Variants in FRAS1 observed in about 807,000 individuals in gnomAD.
The protein encoded by FRAS1 is Fraser extracellular matrix complex subunit 1.
Under a neutral mutation model 435.2 loss-of-function variants are expected in FRAS1, and 290 were observed. The ratio of observed to expected loss-of-function variants is 0.67; its 90% CI spans 0.61 to 0.73. The LOEUF (loss-of-function observed/expected upper bound fraction) is 0.73, where lower values mean the gene tolerates loss of function less well. Ranked by LOEUF, FRAS1 falls within the 30% of genes least tolerant of loss-of-function variation. The pLI, the probability that FRAS1 is intolerant of heterozygous loss-of-function variation, is 0.00. For synonymous variants in FRAS1, 1,800 were observed against 1,851.0 expected (o/e 0.97, Z 0.71); for missense variants, 4,860 against 5,001.5 (o/e 0.97, Z 0.85).
In FRAS1 at chr4:78,266,898, G is replaced by C. The variant is rs1267610029; in HGVS notation, c.752G>C (p.Cys251Ser). 6.2e-7 allele frequency: 1 copy of C among 1,607,984 alleles called. No individual in the cohort carries two copies. Among genetic ancestry groups the C allele is most frequent in the African/African-American group, 1.3e-5 (1 of 74,864 alleles). ...ATATGTGACCGGGGTGAGGTCAGGT[G>C]TCACAAGCAGGCCTGCCTGCCCCTG... ...TCICDRGEVR[C>S]HKQACLPLRC... Residue 251 changes from cysteine (C) to serine (S), a missense_variant, in exon 8 of 74, where the codon TGT becomes TCT. Transcript: ENST00000512123.
At chr4:78,087,097 C>G (rs1420803957) in intron 2 of FRAS1, among the ~76,000 whole-genome samples, 6 of 152,180 alleles carry the variant, frequency 3.9e-5, no homozygotes, top group African/African-American at 1.2e-4. Context: ...GGCTTCATCC[C>G]TGGGATGCAA....
intron 20 of FRAS1, among the ~76,000 whole-genome samples, chr4:78,340,750 C>T (rs454551): frequency 0.18 from 26,848 of 152,070 alleles, 3,238 homozygotes; most frequent in African/African-American, 0.35. Flanking sequence ...TTGGCTTACT[C>T]GGAGGCCACT....
chr4:78,270,887 C>T (rs1726641337), intron 9 of FRAS1, among the ~76,000 whole-genome samples: 1 of 152,106 alleles, frequency 6.6e-6, no homozygotes, highest in Admixed American at 6.6e-5. Context: ...TGGCCTCTGA[C>T]TGACATGAAA....
rs186273693 is a variant in FRAS1, at chr4:78,500,838, G to A, written c.9316+917G>A. On this transcript the variant is annotated intron_variant, in intron 61 of 73. Transcript: ENST00000512123. The stretch of plus-strand genomic sequence containing the variant: ...ACTGTCTTTCACTTTTTACTTTTCC[G>A]CATAAAGATCTGGGGAAAGGATAGG... 3.6e-3 allele frequency among the ~76,000 whole-genome samples: 551 copies of A among 152,062 alleles called. 4 individuals are homozygous for A. The highest frequency in any genetic ancestry group is 0.012 in the African/African-American group (512 of 41,460).
At chr4:78,126,385 G>C (rs1032476192) in intron 2 of FRAS1, among the ~76,000 whole-genome samples, 1 of 152,154 alleles carries the variant, frequency 6.6e-6, no homozygotes, top group Admixed American at 6.5e-5. Context: ...ACCCTGCATC[G>C]GCTTGCCCTC....
At chr4:78,196,536 T>C (rs1323313081) in intron 2 of FRAS1, among the ~76,000 whole-genome samples, 1 of 152,228 alleles carries the variant, frequency 6.6e-6, no homozygotes, top group African/African-American at 2.4e-5. Context: ...TTATTTACTC[T>C]TATTTTGCCT....
intron 9 of FRAS1, among the ~76,000 whole-genome samples, chr4:78,274,387 G>T (rs1726885683): frequency 6.6e-6 from 1 of 152,118 alleles, no homozygotes; most frequent in East Asian, 1.9e-4. Flanking sequence ...TGCTTCTCTA[G>T]TTCCTTTCAT....
intron 9 of FRAS1, among the ~76,000 whole-genome samples, chr4:78,275,543 C>A (rs1489486364): frequency 6.6e-6 from 1 of 152,054 alleles, no homozygotes; most frequent in Non-Finnish European, 1.5e-5. Flanking sequence ...TTGCTTGTCT[C>A]TAAAGGATTT....
intron 59 of FRAS1, among the ~76,000 whole-genome samples, chr4:78,490,064 G>C (rs1164732034): frequency 6.6e-6 from 1 of 150,796 alleles, no homozygotes; most frequent in Non-Finnish European, 1.5e-5. Context: ...ACAAAGAAGG[G>C]TATATTACAT....
intron 2 of FRAS1, among the ~76,000 whole-genome samples, chr4:78,180,113 C>T (rs781022692): frequency 6.6e-6 from 1 of 152,098 alleles, no homozygotes; most frequent in Non-Finnish European, 1.5e-5. Context: ...CATTCAACAA[C>T]AAATTGAGCA....
intron 15 of FRAS1, among the ~76,000 whole-genome samples, chr4:78,311,184 C>T (rs1729004844): frequency 6.6e-6 from 1 of 151,880 alleles, no homozygotes; most frequent in Non-Finnish European, 1.5e-5. Context: ...TCTTTCTTCC[C>T]TCCTTTTTTC....
At chr4:78,395,273 C>A (rs933040878) in intron 29 of FRAS1, among the ~76,000 whole-genome samples, 4 of 151,950 alleles carry the variant, frequency 2.6e-5, no homozygotes, top group African/African-American at 9.7e-5. Context: ...TCTTTTGTGG[C>A]TTAACATTTG....
chr4:78,445,660 T>C lies in FRAS1; in HGVS notation c.5804T>C (p.Val1935Ala), dbSNP rs1159513867. The change falls in exon 42 of 74, where the codon GTG becomes GCG. Residue 1935 changes from valine (V) to alanine (A), a missense_variant. By Grantham distance (64) the Val-to-Ala change is moderately conservative. Transcript: ENST00000512123. Reference sequence around the variant, plus strand: ...ACCCATGATATTTTTAGTTTTTATGTGAGTGATGGAACCAGTCGTTCAGAA... The same window carrying C: ...ACCCATGATATTTTTAGTTTTTATGCGAGTGATGGAACCAGTCGTTCAGAA... ...EPTHDIFSFY[V>A]SDGTSRSEIH... 6.2e-7 allele frequency: 1 copy of C among 1,613,918 alleles called. No individual in the cohort carries two copies. The highest frequency in any genetic ancestry group is 1.1e-5 in the South Asian group (1 of 91,068).
chr4:78,523,079 C>T (rs1219207998), intron 69 of FRAS1, among the ~76,000 whole-genome samples: 3 of 151,968 alleles, frequency 2.0e-5, no homozygotes, highest in African/African-American at 7.3e-5. Context: ...GAAAGAGATC[C>T]TGACTCTTAA....
intron 2 of FRAS1, among the ~76,000 whole-genome samples, chr4:78,114,321 T>A (rs1376734524): frequency 6.6e-6 from 1 of 152,200 alleles, no homozygotes; most frequent in African/African-American, 2.4e-5. Context: ...GGCTCTTTTT[T>A]TGGTTCCATA....
chr4:78,188,670 G>A (rs956084444), intron 2 of FRAS1, among the ~76,000 whole-genome samples: 4 of 152,122 alleles, frequency 2.6e-5, no homozygotes, highest in African/African-American at 9.7e-5. Flanking sequence ...GAATAACTGG[G>A]GACTGTAGCT....
At position 78,368,222 on chromosome 4, in the gene FRAS1, T is replaced by A. The variant is rs182039921; in HGVS notation, c.2723-1616T>A. On this transcript the variant is annotated intron_variant, in intron 22 of 73. Transcript: ENST00000512123. ...ATTCTTTTCTAATTATTGAAAATAA[T>A]TAGAACTGAAAATCCAGTCTAGAAT... Among the ~76,000 whole-genome samples, 72 of 147,058 alleles carry A rather than the reference T, an allele frequency of 4.9e-4. 1 individual carries two copies. In the South Asian group the frequency reaches 6.0e-3, roughly 12 times the overall value.
Position 78,117,344 on chromosome 4 carries a change from C to T in FRAS1, c.108+51328C>T, listed in dbSNP as rs537775338. ...CTCTTCTCGAGGAATATCTTTGTGGCGTTCTCTATATTTCCTACATTTGAA... is the reference window on the plus strand; with the variant it reads ...CTCTTCTCGAGGAATATCTTTGTGGTGTTCTCTATATTTCCTACATTTGAA... On this transcript the variant is annotated intron_variant, in intron 2 of 73. Coordinates refer to ENST00000512123, the MANE Select transcript of FRAS1 (RefSeq NM_025074.7). 7.9e-5 allele frequency among the ~76,000 whole-genome samples: 12 copies of T among 152,176 alleles called. No individual in the cohort carries two copies. In the East Asian group the frequency reaches 1.2e-3, roughly 15 times the overall value.
intron 9 of FRAS1, among the ~76,000 whole-genome samples, chr4:78,276,251 T>G (rs1009859189): frequency 3.3e-5 from 5 of 152,246 alleles, no homozygotes; most frequent in Admixed American, 3.3e-4. Context: ...TTCTTTGCCA[T>G]GGATTTGAAC....
Sources: allele counts gnomAD v4.1 joint callset (sites outside exome capture counted in the v4.1 genomes callset), GRCh38; gene constraint gnomAD v4.1.1; transcripts MANE v1.5; gene names NCBI Gene and HGNC (gene_info 2026-07-23, HGNC 2026-07-21).